Variants in CPZ observed in about 807,000 individuals in gnomAD.
CPZ encodes VEZT/CPZ fusion.
In CPZ, 103 loss-of-function variants were observed where a neutral mutation model predicts 61.8. That is an observed-to-expected ratio of 1.67 (90% CI 1.42 to 1.96). The LOEUF (loss-of-function observed/expected upper bound fraction) is 1.96, where lower values mean the gene tolerates loss of function less well. Among genes scored for constraint, CPZ ranks in the 30% most tolerant of loss-of-function variants. The pLI, the probability that CPZ is intolerant of heterozygous loss-of-function variation, is 0.00. For synonymous variants in CPZ, 551 were observed against 373.7 expected (o/e 1.47, Z -5.47); for missense variants, 1,461 against 914.9 (o/e 1.60, Z -7.70).
intron 7 of CPZ, among the ~76,000 whole-genome samples, chr4:8,608,705 C>T (rs1715264626): frequency 6.6e-6 from 1 of 151,958 alleles, no homozygotes. Context: ...CCAGCCTGGT[C>T]TGGGACTTCA....
intron 9 of CPZ, among the ~76,000 whole-genome samples, chr4:8,616,079 A>G (rs541687863): frequency 6.6e-6 from 1 of 152,264 alleles, no homozygotes; most frequent in South Asian, 2.1e-4. Flanking sequence ...GATATTACAC[A>G]TGAAGTCTTG....
intron 8 of CPZ, among the ~76,000 whole-genome samples, 189 bp downstream of exon 8, chr4:8,612,351 G>A (rs191103733): frequency 8.9e-5 from 9 of 101,524 alleles, no homozygotes; most frequent in Non-Finnish European, 1.1e-4. Context: ...AAAAGCTGTC[G>A]TGTGACTGTT....
chr4:8,597,104 T>C (rs1346690337), intron 1 of CPZ, among the ~76,000 whole-genome samples: 6 of 152,168 alleles, frequency 3.9e-5, no homozygotes, highest in Admixed American at 6.5e-5. Flanking sequence ...CTGTAGCATC[T>C]GCCTCGGTCC....
chr4:8,598,535 C>A lies in CPZ; in HGVS notation c.89-918C>A, dbSNP rs1016203735. Among the ~76,000 whole-genome samples the A allele has an allele frequency of 3.9e-5, 6 of 152,252 alleles. 1 individual carries two copies. The stretch of plus-strand genomic sequence containing the variant: ...CCTGGCCCCCTGCACCCACTCCACA[C>A]GTCCTGCCTGTGGGTCACGTCCCCT... On this transcript the variant is annotated intron_variant, in intron 1 of 10. Coordinates refer to ENST00000360986, the MANE Select transcript of CPZ (RefSeq NM_001014447.3).
At chr4:8,610,241 C>T (rs1325212356) in intron 7 of CPZ, among the ~76,000 whole-genome samples, 1 of 152,210 alleles carries the variant, frequency 6.6e-6, no homozygotes, top group Non-Finnish European at 1.5e-5. Flanking sequence ...TCTTCCTTGC[C>T]CATGTGCGCC....
chr4:8,619,423 A>C lies in CPZ; in HGVS notation c.1765A>C (p.Lys589Gln). Residue 589 changes from lysine to glutamine, a missense_variant, in exon 11 of 11, where the codon AAG becomes CAG. Coordinates refer to ENST00000360986, the MANE Select transcript of CPZ (RefSeq NM_001014447.3). ...TCTGCAACCTCTGGGGATGGGACCC[A>C]AGAACTTTATTCATGGGCTGCGGAG... is the stretch of plus-strand genomic sequence containing the variant. ...FILQPLGMGP[K>Q]NFIHGLRRTG... 1 of 1,614,056 alleles carries C rather than the reference A, an allele frequency of 6.2e-7. No individual in the cohort carries two copies.
At chr4:8,611,529 T>C (rs1442642087) in intron 7 of CPZ, among the ~76,000 whole-genome samples, 1 of 152,126 alleles carries the variant, frequency 6.6e-6, no homozygotes, top group African/African-American at 2.4e-5. Flanking sequence ...AGTCCCAGCC[T>C]CTGATGGTGC....
intron 7 of CPZ, among the ~76,000 whole-genome samples, chr4:8,609,358 C>A (rs545486847): frequency 6.7e-6 from 1 of 149,640 alleles, no homozygotes; most frequent in South Asian, 2.1e-4. Flanking sequence ...CTCATTCATT[C>A]ACTCACAAAC....
At chr4:8,614,283 CGGCTG>C in intron 8 of CPZ, 71 bp from the exon 9 acceptor site, 1 of 1,496,112 alleles carries the variant, frequency 6.7e-7, no homozygotes, top group Non-Finnish European at 9.0e-7. Context: ...TGTCTCTGTG[CGGCTG>C]ACACCCCTGA....
chr4:8,605,917 GT>G (rs1245392493), intron 4 of CPZ, 71 bp from the exon 5 acceptor site: 1 of 1,477,970 alleles, frequency 6.8e-7, no homozygotes, highest in Non-Finnish European at 9.3e-7. Context: ...TTCTTGCTGA[GT>G]GGGGGGGCCT....
intron 9 of CPZ, among the ~76,000 whole-genome samples, chr4:8,616,331 T>G (rs955537177): frequency 1.3e-5 from 2 of 152,158 alleles, no homozygotes; most frequent in Non-Finnish European, 2.9e-5. Flanking sequence ...GAACCGCATG[T>G]GCCCTGTGTT....
At chr4:8,609,184 G>C (rs9799716) in intron 7 of CPZ, among the ~76,000 whole-genome samples, 14,441 of 109,026 alleles carry the variant, frequency 0.13, 943 homozygotes, top group South Asian at 0.23. Context: ...ATTCACTCAG[G>C]CATTCACTCA....
chr4:8,616,629 G>T (rs1008882223), intron 9 of CPZ, among the ~76,000 whole-genome samples: 1 of 152,204 alleles, frequency 6.6e-6, no homozygotes, highest in Admixed American at 6.5e-5. Context: ...TGAGGGGCTG[G>T]TGAGGGTATT....
At chr4:8,604,414 G>A (rs531129618) in intron 4 of CPZ, among the ~76,000 whole-genome samples, 2 of 152,378 alleles carry the variant, frequency 1.3e-5, no homozygotes, top group East Asian at 3.9e-4. Context: ...TAGGGTGGCA[G>A]ACTAGGTTAT....
Position 8,592,795 on chromosome 4 carries a change from A to G in CPZ, c.-39A>G, listed in dbSNP as rs1236391209. ...CCCGGCCCCGCGCGGCCCGAGTGCC[A>G]CATCACTGCGCTGGCCGTCCAAGGT... On this transcript the variant is annotated 5_prime_UTR_variant, in exon 1 of 11. Coordinates refer to ENST00000360986, the MANE Select transcript of CPZ (RefSeq NM_001014447.3). 7 of 1,347,258 alleles carry G rather than the reference A, an allele frequency of 5.2e-6. No individual in the cohort carries two copies. In the African/African-American group the frequency reaches 9.2e-5, roughly 18 times the overall value. The allele number at this position is 1,347,258 out of a possible 1,614,324, so 83.5% of individuals were successfully genotyped here. A position where few individuals can be genotyped will look rare whatever the true frequency, so the allele number is the denominator to read the frequency against.
intron 7 of CPZ, among the ~76,000 whole-genome samples, chr4:8,609,205 C>G (rs1359907834): frequency 4.8e-5 from 5 of 104,338 alleles, no homozygotes; most frequent in South Asian, 4.0e-4. Flanking sequence ...CTCCCTCACT[C>G]ACTTACTCAT....
intron 7 of CPZ, among the ~76,000 whole-genome samples, chr4:8,610,121 C>T (rs1715526940): frequency 6.6e-6 from 1 of 152,218 alleles, no homozygotes; most frequent in African/African-American, 2.4e-5. Flanking sequence ...CAAGGGCTTC[C>T]TGGGGCAGGA....
rs2109350201 is a variant in CPZ, at chr4:8,618,130, G to A, written c.1504-299G>A. 3 of 387,286 alleles carry A rather than the reference G, an allele frequency of 7.7e-6. No homozygotes were observed. In the South Asian group the frequency reaches 8.1e-5, roughly 11 times the overall value. 24.0% of individuals were successfully genotyped at this position (387,286 alleles called of 1,614,324 possible). A position where few individuals can be genotyped will look rare whatever the true frequency, so the allele number is the denominator to read the frequency against. On this transcript the variant is annotated intron_variant, in intron 9 of 10. Transcript: ENST00000360986. ...TGCCGATCAGGCAGAAGAGTGGCAG[G>A]AAAGGGTTCTCTGCTCAATGCCCAT...
chr4:8,613,175 A>T (rs1577125761), intron 8 of CPZ, among the ~76,000 whole-genome samples: 1 of 137,884 alleles, frequency 7.3e-6, no homozygotes, highest in South Asian at 2.2e-4. Context: ...CTCTGTCACC[A>T]GGCTGGAGCA....
Sources: gnomAD v4.1 joint callset for allele counts (sites outside exome capture counted in the v4.1 genomes callset) on GRCh38, gnomAD v4.1.1 for gene constraint, MANE v1.5 for transcripts, NCBI Gene and HGNC (gene_info 2026-07-23, HGNC 2026-07-21) for gene names.